NPEPPS: variants seen among roughly 807,000 people sequenced by gnomAD.
NPEPPS encodes puromycin-sensitive aminopeptidase.
NPEPPS carries 14 observed loss-of-function variants against 115.5 expected under a neutral mutation model. The ratio of observed to expected loss-of-function variants is 0.12; its 90% CI spans 0.08 to 0.19. The LOEUF (loss-of-function observed/expected upper bound fraction) is 0.19, where lower values mean the gene tolerates loss of function less well. Among genes scored for constraint, NPEPPS ranks in the 10% least tolerant of loss-of-function variants. The probability of loss-of-function intolerance (pLI) is 1.00; values close to 1 mark genes in which losing one functional copy is unlikely to be tolerated. For synonymous variants in NPEPPS, 285 were observed against 390.6 expected (o/e 0.73, Z 3.19); for missense variants, 523 against 1,110.8 (o/e 0.47, Z 7.52).
chr17:47,584,864 G>A (rs1912090502), intron 5 of NPEPPS, among the ~76,000 whole-genome samples: 1 of 152,132 alleles, frequency 6.6e-6, no homozygotes, highest in South Asian at 2.1e-4. Flanking sequence ...GTCTCGCTGT[G>A]TCGCCCAGGC....
At chr17:47,618,493 C>T in intron 20 of NPEPPS, 36 bp downstream of exon 20, 8 of 1,359,936 alleles carry the variant, frequency 5.9e-6, no homozygotes, top group South Asian at 1.2e-5. Flanking sequence ...AGAAGTGAAT[C>T]GTTACCCATC....
At chr17:47,619,823 G>C (rs1156321540) in intron 22 of NPEPPS, 39 bp downstream of exon 22, 3 of 1,478,460 alleles carry the variant, frequency 2.0e-6, no homozygotes, top group Admixed American at 3.4e-5. Flanking sequence ...TTTCAGTCTA[G>C]TAAGTAAAAA....
chr17:47,584,726 A>C (rs1912079875), intron 5 of NPEPPS, among the ~76,000 whole-genome samples: 1 of 152,190 alleles, frequency 6.6e-6, no homozygotes, highest in South Asian at 2.1e-4. Context: ...TCCAAAGGTA[A>C]AGTTGAAATT....
intron 3 of NPEPPS, among the ~76,000 whole-genome samples, chr17:47,571,080 A>G (rs9635762): frequency 6.6e-6 from 1 of 151,940 alleles, no homozygotes; most frequent in Non-Finnish European, 1.5e-5. Context: ...CAGGAATGAT[A>G]TATATCTATA....
intron 2 of NPEPPS, among the ~76,000 whole-genome samples, chr17:47,562,022 T>C (rs1056641706): frequency 6.6e-6 from 1 of 152,210 alleles, no homozygotes; most frequent in African/African-American, 2.4e-5. Context: ...ACGTGGAGGG[T>C]CCTGGAGGGT....
At chr17:47,576,247 G>A (rs1911514893) in intron 3 of NPEPPS, among the ~76,000 whole-genome samples, 1 of 152,132 alleles carries the variant, frequency 6.6e-6, no homozygotes, top group Non-Finnish European at 1.5e-5. Context: ...TTTATATGGA[G>A]AAACACTGGT....
intron 1 of NPEPPS, among the ~76,000 whole-genome samples, chr17:47,535,280 G>A (rs1210355761): frequency 7.1e-5 from 10 of 141,364 alleles, no homozygotes; most frequent in Middle Eastern, 4.2e-3. Context: ...GGCTGGGCGC[G>A]GTGGCTCACG....
In NPEPPS at chr17:47,553,759, C is replaced by CTT. The variant is rs745894618; in HGVS notation, c.340+7779_340+7780dup. On this transcript the variant is annotated intron_variant, in intron 2 of 22. Coordinates refer to ENST00000322157, the MANE Select transcript of NPEPPS (RefSeq NM_006310.4). ...ATGAATGTTGTGTGCGTCTCTCTCT[C>CTT]TTTTTTTTTTTTTTGAGACGTTGCT... Among the ~76,000 whole-genome samples the CTT allele has an allele frequency of 1.9e-4, 27 of 144,332 alleles. 1 individual carries two copies. The highest frequency in any genetic ancestry group is 2.9e-4 in the Non-Finnish European group (19 of 65,470). 94.7% of individuals were successfully genotyped at this position (144,332 alleles called of 152,430 possible).
rs571752460 is a variant in NPEPPS at position 47,563,640 on chromosome 17, G to A, written c.341-5777G>A. Among the ~76,000 whole-genome samples, 7 of 151,578 alleles carry A rather than the reference G, an allele frequency of 4.6e-5. No individual in the cohort carries two copies. In the South Asian group the frequency reaches 1.5e-3, roughly 32 times the overall value. ...GGCTGGAGTGCAGTGGCACGATCTC[G>A]GCTCGCTGCAAGCTCCGCCTCCCGA... On this transcript the variant is annotated intron_variant, in intron 2 of 22. Transcript: ENST00000322157.
rs562623472 is a variant in NPEPPS, at chr17:47,593,131, A to G, written c.1426+586A>G. 2.6e-5 allele frequency among the ~76,000 whole-genome samples: 4 copies of G among 152,346 alleles called. No individual in the cohort carries two copies. The East Asian group carries it at 7.7e-4, about 29-fold the overall frequency. On this transcript the variant is annotated intron_variant, in intron 12 of 22. Transcript: ENST00000322157. The stretch of plus-strand genomic sequence containing the variant: ...AATCCAAAAGAAATATGAAATTCAA[A>G]ACATTTCTGGTCCCAAGCATTTTGG...
intron 15 of NPEPPS, among the ~76,000 whole-genome samples, chr17:47,602,635 CT>C (rs1445723381): frequency 8.3e-6 from 1 of 120,848 alleles, no homozygotes; most frequent in East Asian, 2.5e-4. Context: ...GAGACGCCAT[CT>C]CAAAAAAAAA....
At chr17:47,620,908 A>T (rs368413209) in intron 22 of NPEPPS, among the ~76,000 whole-genome samples, 23 of 152,130 alleles carry the variant, frequency 1.5e-4, no homozygotes, top group African/African-American at 5.3e-4. Context: ...TTACTGTATT[A>T]AAAATGTTGG....
rs1193627257 is a variant in NPEPPS at position 47,601,299 on chromosome 17, A to G, written c.1601-309A>G. Among the ~76,000 whole-genome samples the G allele has an allele frequency of 8.5e-5, 13 of 152,120 alleles. No homozygotes were observed. The East Asian group carries it at 2.5e-3, about 29-fold the overall frequency. On this transcript the variant is annotated intron_variant, in intron 14 of 22. Coordinates refer to ENST00000322157, the MANE Select transcript of NPEPPS (RefSeq NM_006310.4). ...TTGTTGTTGTTGTTTTTTTACTTTA[A>G]CAGTAAAATTGCTGTCTTTGCTCTC...
At chr17:47,602,786 A>G (rs1267543228) in intron 15 of NPEPPS, among the ~76,000 whole-genome samples, 1 of 151,726 alleles carries the variant, frequency 6.6e-6, no homozygotes, top group African/African-American at 2.4e-5. Context: ...GATTATAGTC[A>G]TGAGCCACCA....
At chr17:47,586,811 A>G in intron 8 of NPEPPS, 2 of 462,346 alleles carry the variant, frequency 4.3e-6, no homozygotes, top group Middle Eastern at 3.2e-4. Flanking sequence ...TTTGCCTTCT[A>G]CTTTCAATTG....
At chr17:47,604,131 T>G (rs1597882672) in intron 16 of NPEPPS, 82 bp downstream of exon 16, 1 of 1,355,140 alleles carries the variant, frequency 7.4e-7, no homozygotes, top group East Asian at 2.3e-5. Context: ...GAAACATAAT[T>G]AGAAGAATAT....
chr17:47,559,014 G>A (rs1423656308), intron 2 of NPEPPS, among the ~76,000 whole-genome samples: 1 of 150,172 alleles, frequency 6.7e-6, no homozygotes, highest in African/African-American at 2.5e-5. Flanking sequence ...TTCCAGCCTG[G>A]ACAACAGAGC....
chr17:47,539,570 T>C (rs374230477), intron 1 of NPEPPS, among the ~76,000 whole-genome samples: 1 of 152,162 alleles, frequency 6.6e-6, no homozygotes, highest in African/African-American at 2.4e-5. Flanking sequence ...AAAGCCCATT[T>C]CCATCTCGTC....
intron 16 of NPEPPS, among the ~76,000 whole-genome samples, chr17:47,605,074 AT>A (rs1913433398): frequency 6.6e-6 from 1 of 152,186 alleles, no homozygotes; most frequent in Non-Finnish European, 1.5e-5. Context: ...TCTTAGTGTA[AT>A]TTTTAAAAGT....
Sources: gnomAD v4.1 joint callset for allele counts (sites outside exome capture counted in the v4.1 genomes callset) on GRCh38, gnomAD v4.1.1 for gene constraint, MANE v1.5 for transcripts, NCBI Gene and HGNC (gene_info 2026-07-23, HGNC 2026-07-21) for gene names.